The following KCNK2 variants were observed in gnomAD, a reference collection of about 807,000 sequenced individuals.
KCNK2 encodes potassium channel subfamily K member 2.
KCNK2 carries 21 observed loss-of-function variants against 40.5 expected under a neutral mutation model. That is an observed-to-expected ratio of 0.52 (90% CI 0.37 to 0.75). KCNK2 has a LOEUF of 0.75. Ranked by LOEUF, KCNK2 falls within the 30% of genes least tolerant of loss-of-function variation. The probability of loss-of-function intolerance (pLI) is 0.00; values close to 1 mark genes in which losing one functional copy is unlikely to be tolerated. For synonymous variants in KCNK2, 191 were observed against 202.2 expected, an observed-to-expected ratio of 0.94 and a Z score of 0.47; for missense variants, 399 against 531.6, an observed-to-expected ratio of 0.75 and a Z score of 2.45.
At chr1:215,039,895 G>A (rs1452617) in intron 1 of KCNK2, among the ~76,000 whole-genome samples, 129,494 of 152,026 alleles carry the variant, frequency 0.85, 55,439 homozygotes, top group East Asian at 0.99. Flanking sequence ...ATCGTTGTTT[G>A]TTGCCTTCCG....
chr1:215,210,053 T>G (rs550465397), intron 6 of KCNK2, among the ~76,000 whole-genome samples: 23 of 117,582 alleles, frequency 2.0e-4, no homozygotes, highest in Non-Finnish European at 3.4e-4. Flanking sequence ...AATATATATA[T>G]ACACACACTA....
intron 6 of KCNK2, among the ~76,000 whole-genome samples, chr1:215,228,125 T>C (rs1666467769): frequency 1.3e-5 from 2 of 152,252 alleles, no homozygotes; most frequent in Non-Finnish European, 2.9e-5. Context: ...AGCAAATAGA[T>C]GGTAATTGAA....
chr1:215,114,607 A>G (rs1211768005), intron 2 of KCNK2, among the ~76,000 whole-genome samples: 2 of 152,176 alleles, frequency 1.3e-5, no homozygotes, highest in Non-Finnish European at 2.9e-5. Flanking sequence ...CAGAATCAGT[A>G]TGAATCACTA....
upstream of KCNK2, among the ~76,000 whole-genome samples, chr1:215,079,539 A>T (rs1659075377): frequency 6.6e-6 from 1 of 152,184 alleles, no homozygotes; most frequent in Non-Finnish European, 1.5e-5. Flanking sequence ...AAGCAACCAG[A>T]TGTCATGAGA....
Position 215,083,349 on chromosome 1 carries a change from G to T in KCNK2, c.-37G>T, listed in dbSNP as rs1224864433. The T allele has an allele frequency of 3.1e-6, 5 of 1,613,950 alleles. No individual in the cohort carries two copies. The highest frequency in any genetic ancestry group is 3.4e-6 in the Non-Finnish European group (4 of 1,180,002). ...GTTTGTAAAAAAAAGCTTCAAGTCC[G>T]TCTTTTTCAAAAAACATTTTGAATG... On this transcript the variant is annotated 5_prime_UTR_variant, in exon 1 of 7. Coordinates refer to ENST00000444842, the MANE Select transcript of KCNK2 (RefSeq NM_001017425.3).
intron 5 of KCNK2, 117 bp downstream of exon 5, chr1:215,172,300 C>A: frequency 1.1e-6 from 1 of 870,110 alleles, no homozygotes. Flanking sequence ...CTGACATACC[C>A]AAGTACCATA....
intron 1 of KCNK2, among the ~76,000 whole-genome samples, chr1:215,059,656 A>AT (rs1658302179): frequency 6.6e-6 from 1 of 152,166 alleles, no homozygotes; most frequent in African/African-American, 2.4e-5. Flanking sequence ...CTCCCATTTA[A>AT]TGGTTCAAAA....
chr1:215,077,700 C>G (rs1658995675), intron 1 of KCNK2, among the ~76,000 whole-genome samples: 1 of 152,054 alleles, frequency 6.6e-6, no homozygotes, highest in African/African-American at 2.4e-5. Context: ...TTTCCAAATT[C>G]TCCCAGCTTC....
chr1:215,221,923 G>T (rs1335595240), intron 6 of KCNK2, among the ~76,000 whole-genome samples: 4 of 152,196 alleles, frequency 2.6e-5, no homozygotes, highest in African/African-American at 9.6e-5. Context: ...AGTTTAATTG[G>T]CTCATGGTTC....
At position 215,019,269 on chromosome 1, in the gene KCNK2, G is replaced by A. The variant is rs535080804; in HGVS notation, c.34+13314G>A. ...ATAAAATTGCTTACTATTATACTTC[G>A]TTTTTACCTTTTCTGATGCAAACGA... On this transcript the variant is annotated intron_variant, in intron 1 of 6. Coordinates refer to the KCNK2 transcript ENST00000391895. Among the ~76,000 whole-genome samples, 62 of 152,186 alleles carry A rather than the reference G, an allele frequency of 4.1e-4. No individual in the cohort carries two copies. The South Asian group carries it at 0.011, about 28-fold the overall frequency.
intron 2 of KCNK2, among the ~76,000 whole-genome samples, chr1:215,119,665 C>T (rs1174957870): frequency 6.6e-6 from 1 of 152,152 alleles, no homozygotes; most frequent in East Asian, 1.9e-4. Context: ...TTCAGGTAAT[C>T]ATGTATTAGG....
intron 2 of KCNK2, among the ~76,000 whole-genome samples, chr1:215,102,131 G>A (rs571261655): frequency 6.6e-6 from 1 of 151,896 alleles, no homozygotes; most frequent in Non-Finnish European, 1.5e-5. Context: ...AACTGTAAAA[G>A]TGTCTCAGAC....
chr1:215,059,930 C>T (rs1033962574), intron 1 of KCNK2, among the ~76,000 whole-genome samples: 1 of 152,194 alleles, frequency 6.6e-6, no homozygotes, highest in Non-Finnish European at 1.5e-5. Context: ...AGGAGACCCT[C>T]CAGCAGGGAG....
intron 2 of KCNK2, among the ~76,000 whole-genome samples, chr1:215,114,669 G>C (rs912056889): frequency 6.6e-6 from 1 of 152,084 alleles, no homozygotes; most frequent in African/African-American, 2.4e-5. Context: ...GTGACATTGA[G>C]CCAAGAAATA....
intron 1 of KCNK2, among the ~76,000 whole-genome samples, chr1:215,021,619 C>T (rs1201230172): frequency 6.8e-6 from 1 of 148,148 alleles, no homozygotes; most frequent in African/African-American, 2.5e-5. Flanking sequence ...GATCTCCGCT[C>T]GCTGCAAGCT....
Position 215,093,741 on chromosome 1 carries a change from TA to T in KCNK2, c.357+7068del, listed in dbSNP as rs1302825036. 6.9e-4 allele frequency among the ~76,000 whole-genome samples: 44 copies of T among 63,492 alleles called. 1 individual carries two copies. The highest frequency in any genetic ancestry group is 8.4e-4 in the South Asian group (2 of 2,388). The allele number at this position is 63,492 out of a possible 152,430, so 41.7% of individuals were successfully genotyped here. A position where few individuals can be genotyped will look rare whatever the true frequency, so the allele number is the denominator to read the frequency against. On this transcript the variant is annotated intron_variant, in intron 2 of 6. Transcript: ENST00000444842. ...ATATAAAAATATATAATATATAATA[TA>T]AAAATATATTATATATTATATAATA...
intron 1 of KCNK2, among the ~76,000 whole-genome samples, chr1:215,054,692 T>C (rs1481307301): frequency 6.6e-6 from 1 of 152,136 alleles, no homozygotes; most frequent in Admixed American, 6.5e-5. Flanking sequence ...ATGCAAACCA[T>C]GTAAATCTGT....
intron 1 of KCNK2, among the ~76,000 whole-genome samples, chr1:215,053,131 T>C (rs777983105): frequency 1.3e-5 from 2 of 152,166 alleles, no homozygotes; most frequent in Non-Finnish European, 2.9e-5. Flanking sequence ...GTGCAGGACG[T>C]GCAGGTTAGT....
intron 1 of KCNK2, among the ~76,000 whole-genome samples, chr1:215,043,930 A>G (rs1213218338): frequency 6.6e-6 from 1 of 152,202 alleles, no homozygotes; most frequent in Non-Finnish European, 1.5e-5. Flanking sequence ...ATGATGCCAA[A>G]AATATTAACA....
Sources: gnomAD v4.1 joint callset for allele counts (sites outside exome capture counted in the v4.1 genomes callset) on GRCh38, gnomAD v4.1.1 for gene constraint, MANE v1.5 for transcripts, NCBI Gene and HGNC (gene_info 2026-07-23, HGNC 2026-07-21) for gene names.